PLCB1: variants seen among roughly 807,000 people sequenced by gnomAD.
PLCB1 encodes the protein phospholipase C beta 1.
PLCB1 carries 46 observed loss-of-function variants against 161.8 expected under a neutral mutation model. The ratio of observed to expected loss-of-function variants is 0.28; its 90% CI spans 0.22 to 0.36. PLCB1 has a LOEUF of 0.36. PLCB1 is among the 10% of genes least tolerant of loss of function. The pLI is 1.00. For missense variants in PLCB1, 1,016 were observed against 1,472.5 expected, an observed-to-expected ratio of 0.69 and a Z score of 5.07; for synonymous variants, 517 against 503.7, an observed-to-expected ratio of 1.03 and a Z score of -0.35.
intron 23 of PLCB1, among the ~76,000 whole-genome samples, chr20:8,756,063 C>T: frequency 6.6e-6 from 1 of 152,022 alleles, no homozygotes; most frequent in East Asian, 1.9e-4. Flanking sequence ...TATGACATTC[C>T]CTGGCTCTTT....
At chr20:8,325,936 T>C (rs1985135356) in intron 2 of PLCB1, among the ~76,000 whole-genome samples, 1 of 152,228 alleles carries the variant, frequency 6.6e-6, no homozygotes, top group Non-Finnish European at 1.5e-5. Flanking sequence ...ACATAGCCCA[T>C]TGGAAAACTT....
chr20:8,844,814 T>G (rs1260763509), intron 31 of PLCB1, among the ~76,000 whole-genome samples: 1 of 152,092 alleles, frequency 6.6e-6, no homozygotes, highest in Non-Finnish European at 1.5e-5. Context: ...ACTACGGATT[T>G]AAAGTACTAG....
intron 1 of PLCB1, among the ~76,000 whole-genome samples, chr20:8,144,385 C>T (rs745357318): frequency 2.6e-5 from 4 of 152,176 alleles, no homozygotes; most frequent in African/African-American, 4.8e-5. Flanking sequence ...ATTCTTCCAA[C>T]ATTTCCCTAC....
intron 2 of PLCB1, among the ~76,000 whole-genome samples, chr20:8,245,608 CACTTAG>C (rs1980839246): frequency 6.6e-6 from 1 of 151,852 alleles, no homozygotes; most frequent in South Asian, 2.1e-4. Context: ...CAGAGTTTGT[CACTTAG>C]ATGGTCTGAG....
At chr20:8,702,764 C>T (rs2223954) in intron 11 of PLCB1, among the ~76,000 whole-genome samples, 134,256 of 152,176 alleles carry the variant, frequency 0.88, 59,290 homozygotes, top group East Asian at 0.99. Context: ...CCACCAATTA[C>T]AGCAAGTATG....
intron 3 of PLCB1, among the ~76,000 whole-genome samples, chr20:8,417,073 ATTTTTTTTTTT>A (rs3031852): frequency 1.4e-3 from 57 of 39,884 alleles, no homozygotes; most frequent in Middle Eastern, 0.02. Flanking sequence ...ATATATATAT[ATTTTTTTTTTT>A]TTTTTTTTTT....
intron 2 of PLCB1, among the ~76,000 whole-genome samples, chr20:8,185,826 T>C (rs1381613199): frequency 1.9e-4 from 29 of 152,188 alleles, no homozygotes; most frequent in Non-Finnish European, 5.9e-5. Context: ...TTTAATTTGA[T>C]TGACTTTTTG....
intron 3 of PLCB1, among the ~76,000 whole-genome samples, chr20:8,465,049 T>C (rs569929466): frequency 1.1e-4 from 16 of 152,196 alleles, no homozygotes; most frequent in Non-Finnish European, 1.9e-4. Context: ...TTTCCTGAAA[T>C]GTGTTAGACA....
intron 3 of PLCB1, among the ~76,000 whole-genome samples, chr20:8,378,930 T>C (rs1270798367): frequency 6.6e-6 from 1 of 152,226 alleles, no homozygotes; most frequent in African/African-American, 2.4e-5. Context: ...TAACCCCTTG[T>C]CTGTTCAAGT....
chr20:8,681,097 T>TA (rs1990203985), intron 9 of PLCB1, among the ~76,000 whole-genome samples: 1 of 104,982 alleles, frequency 9.5e-6, no homozygotes, highest in African/African-American at 4.4e-5. Flanking sequence ...TATATATATA[T>TA]ATATATATAT....
chr20:8,676,372 AAAAG>A (rs998210808), intron 9 of PLCB1, among the ~76,000 whole-genome samples: 22 of 150,832 alleles, frequency 1.5e-4, no homozygotes, highest in African/African-American at 4.7e-4. Context: ...AGAAGAGAGA[AAAAG>A]AAAGAAGAAA....
At chr20:8,724,601 A>G in intron 15 of PLCB1, 55 bp from the exon 16 acceptor site, 1 of 969,950 alleles carries the variant, frequency 1.0e-6, no homozygotes, top group East Asian at 2.4e-5. Flanking sequence ...TGGGAAAATA[A>G]CTGATAATAT....
chr20:8,417,271 G>A (rs1209721593), intron 3 of PLCB1, among the ~76,000 whole-genome samples: 7 of 149,014 alleles, frequency 4.7e-5, no homozygotes, highest in Admixed American at 2.0e-4. Flanking sequence ...TATTTTTAGT[G>A]GAGACAGGGT....
intron 3 of PLCB1, among the ~76,000 whole-genome samples, chr20:8,399,861 C>A (rs1600374981): frequency 6.6e-6 from 1 of 151,860 alleles, no homozygotes. Flanking sequence ...AGAAAAAAAA[C>A]CTTTTGGTTA....
chr20:8,839,033 G>A (rs185643274), intron 31 of PLCB1, among the ~76,000 whole-genome samples: 4 of 152,302 alleles, frequency 2.6e-5, no homozygotes, highest in Admixed American at 2.0e-4. Flanking sequence ...TTAGTTCACA[G>A]GGATCTTAAT....
At chr20:8,555,526 A>G (rs189890445) in intron 3 of PLCB1, among the ~76,000 whole-genome samples, 1 of 152,208 alleles carries the variant, frequency 6.6e-6, no homozygotes, top group East Asian at 1.9e-4. Flanking sequence ...TTCTGAAAAC[A>G]CACTTTCTAC....
chr20:8,673,276 G>A (rs1412668952), intron 9 of PLCB1, among the ~76,000 whole-genome samples: 3 of 152,190 alleles, frequency 2.0e-5, no homozygotes, highest in South Asian at 2.1e-4. Context: ...AGAAGAGATG[G>A]CACTGATGGA....
At chr20:8,499,572 G>C (rs186044468) in intron 3 of PLCB1, among the ~76,000 whole-genome samples, 242 of 152,150 alleles carry the variant, frequency 1.6e-3, no homozygotes, top group African/African-American at 5.5e-3. Context: ...AGAACATTTT[G>C]GTTGTTGTTT....
intron 9 of PLCB1, among the ~76,000 whole-genome samples, chr20:8,665,374 T>C (rs914944738): frequency 6.6e-6 from 1 of 152,248 alleles, no homozygotes; most frequent in African/African-American, 2.4e-5. Context: ...AAAGTGATCA[T>C]TGGCATTTAT....
Sources: allele counts gnomAD v4.1 joint callset (sites outside exome capture counted in the v4.1 genomes callset), GRCh38; gene constraint gnomAD v4.1.1; transcripts MANE v1.5; gene names NCBI Gene and HGNC (gene_info 2026-07-23, HGNC 2026-07-21).